The following DPYD variants were observed in gnomAD, a reference collection of about 807,000 sequenced individuals.
DPYD encodes dihydropyrimidine dehydrogenase [NADP(+)].
Under a neutral mutation model 116.2 loss-of-function variants are expected in DPYD, and 109 were observed. The observed-to-expected ratio is 0.94, with a 90% CI of 0.80 to 1.10. DPYD has a LOEUF of 1.10. Among genes scored for constraint, DPYD ranks in the 50% least tolerant of loss-of-function variants. The probability of loss-of-function intolerance (pLI) is 0.00; values close to 1 mark genes in which losing one functional copy is unlikely to be tolerated. For synonymous variants in DPYD, 440 were observed against 432.0 expected (o/e 1.02, Z -0.23); for missense variants, 1,302 against 1,254.5 (o/e 1.04, Z -0.57).
intron 13 of DPYD, among the ~76,000 whole-genome samples, chr1:97,478,970 T>C (rs763140157): frequency 2.6e-5 from 4 of 152,182 alleles, no homozygotes; most frequent in Non-Finnish European, 5.9e-5. Flanking sequence ...GCAGCTCCCT[T>C]ACCTCTCAGC....
intron 16 of DPYD, among the ~76,000 whole-genome samples, chr1:97,358,415 A>T (rs1339236303): frequency 6.6e-6 from 1 of 152,234 alleles, no homozygotes; most frequent in Non-Finnish European, 1.5e-5. Context: ...CTGCAGACTT[A>T]AACATCCCTG....
At chr1:97,221,719 G>A (rs1376321062) in intron 19 of DPYD, among the ~76,000 whole-genome samples, 2 of 151,924 alleles carry the variant, frequency 1.3e-5, no homozygotes, top group Non-Finnish European at 2.9e-5. Flanking sequence ...GAAGATGTTC[G>A]CACTACTCAG....
intron 4 of DPYD, among the ~76,000 whole-genome samples, chr1:97,730,961 T>A (rs1663570000): frequency 6.6e-6 from 1 of 152,002 alleles, no homozygotes; most frequent in South Asian, 2.1e-4. Flanking sequence ...CAAATGAGAA[T>A]CTTTAAGTTT....
intron 3 of DPYD, among the ~76,000 whole-genome samples, chr1:97,775,987 T>A (rs74107712): frequency 6.6e-6 from 1 of 152,120 alleles, no homozygotes; most frequent in Non-Finnish European, 1.5e-5. Context: ...GGTGTATATA[T>A]GTATAGGCTA....
chr1:97,737,704 A>ATG (rs1026383849), intron 4 of DPYD, among the ~76,000 whole-genome samples: 2 of 152,070 alleles, frequency 1.3e-5, no homozygotes, highest in Non-Finnish European at 2.9e-5. Flanking sequence ...CAGCTGTAAT[A>ATG]TGTGTGTGTG....
intron 2 of DPYD, among the ~76,000 whole-genome samples, chr1:97,833,292 T>A (rs1258035261): frequency 1.3e-5 from 2 of 151,766 alleles, no homozygotes; most frequent in East Asian, 3.9e-4. Flanking sequence ...GAAAAAAAAA[T>A]CTTGAAAATC....
Position 97,570,523 on chromosome 1 carries a change from G to A in DPYD, c.1339+3237C>T, listed in dbSNP as rs72732325. Among the ~76,000 whole-genome samples the A allele has an allele frequency of 3.9e-5, 6 of 152,054 alleles. No homozygotes were observed. In the Middle Eastern group the frequency reaches 0.01, roughly 259 times the overall value. On this transcript the variant is annotated intron_variant, in intron 11 of 22. Transcript: ENST00000370192. The stretch of plus-strand genomic sequence containing the variant: ...AATGTATATAAGGCCATTTGCTGAT[G>A]TTCTCAAGTGTTGAGAAGTGGAAGC...
chr1:97,597,840 C>T (rs967734145), intron 8 of DPYD, among the ~76,000 whole-genome samples: 4 of 152,142 alleles, frequency 2.6e-5, no homozygotes, highest in African/African-American at 7.2e-5. Flanking sequence ...TCTATCTACC[C>T]ATCTGTCCAT....
chr1:97,501,980 A>C (rs1181143826), intron 13 of DPYD, among the ~76,000 whole-genome samples: 1 of 152,174 alleles, frequency 6.6e-6, no homozygotes, highest in East Asian at 1.9e-4. Context: ...TTTGTAATGC[A>C]ATTTCTGACC....
intron 2 of DPYD, among the ~76,000 whole-genome samples, chr1:97,860,029 A>C (rs1044864600): frequency 1.3e-5 from 2 of 152,102 alleles, no homozygotes; most frequent in Non-Finnish European, 2.9e-5. Flanking sequence ...TCAGATTTTC[A>C]TAAGTATGGG....
intron 10 of DPYD, among the ~76,000 whole-genome samples, chr1:97,575,275 C>G (rs996562619): frequency 1.3e-5 from 2 of 152,038 alleles, no homozygotes; most frequent in Non-Finnish European, 2.9e-5. Flanking sequence ...AATATTGCCC[C>G]TAGGGAGCAA....
rs764635955 is a variant in DPYD, at chr1:97,699,442, G to T, written c.589C>A (p.Pro197Thr). 6 of 1,613,576 alleles carry T rather than the reference G, an allele frequency of 3.7e-6. No homozygotes were observed. In the Admixed American group the frequency reaches 1.0e-4, roughly 27 times the overall value. Residue 197 changes from proline (P) to threonine (T), a missense_variant, in exon 6 of 23, where the codon CCT (proline) becomes ACT (threonine). Coordinates refer to ENST00000370192, the MANE Select transcript of DPYD (RefSeq NM_000110.4). Reference sequence around the variant, plus strand: ...AAGGAAGCACAACTTATACTTGCAGGCCCAGCACCAAAAAGAGCAATCTTT... The same window carrying T: ...AAGGAAGCACAACTTATACTTGCAGTCCCAGCACCAAAAAGAGCAATCTTT... Reference protein sequence around the residue: ...SAKIALFGAGPASISCASFLA... With the variant: ...SAKIALFGAGTASISCASFLA...
chr1:97,796,612 T>C (rs1444665115), intron 3 of DPYD, among the ~76,000 whole-genome samples: 5 of 151,110 alleles, frequency 3.3e-5, no homozygotes, highest in African/African-American at 1.2e-4. Context: ...AGGGAGAGAG[T>C]CTGAATCAAC....
rs767464878 is a variant in DPYD at position 97,234,889 on chromosome 1, C to A, written c.2405G>T (p.Gly802Val). ...ATGGIDSAES[G>V]LQFLHSGASV... is the part of the protein sequence containing the mutation. Reference sequence around the variant, plus strand: ...AGCACCACTATGGAGAAACTGAAGACCACTTTCAGCAGAGTCAATTCCACC... The same window carrying A: ...AGCACCACTATGGAGAAACTGAAGAACACTTTCAGCAGAGTCAATTCCACC... The change falls in exon 19 of 23, where the codon GGT becomes GTT. Residue 802 changes from glycine to valine, a missense_variant. Gly to Val is a moderately radical substitution (Grantham distance 109). Transcript: ENST00000370192. The A allele has an allele frequency of 5.0e-6, 8 of 1,613,926 alleles. No individual in the cohort carries two copies. In the East Asian group the frequency reaches 1.6e-4, roughly 31 times the overall value.
chr1:97,152,824 T>C (rs992117081), intron 20 of DPYD, among the ~76,000 whole-genome samples: 4 of 152,086 alleles, frequency 2.6e-5, no homozygotes, highest in Non-Finnish European at 4.4e-5. Context: ...ATGGTTTTCA[T>C]GGTTGCGTTT....
At chr1:97,198,300 A>G (rs185941642) in intron 19 of DPYD, among the ~76,000 whole-genome samples, 4 of 152,278 alleles carry the variant, frequency 2.6e-5, no homozygotes, top group East Asian at 1.9e-4. Context: ...AATTTCTTCT[A>G]AACAAATAGG....
intron 1 of DPYD, among the ~76,000 whole-genome samples, chr1:97,893,182 C>A (rs1317103237): frequency 1.3e-5 from 2 of 150,914 alleles, no homozygotes; most frequent in African/African-American, 4.9e-5. Context: ...TTTTTAAGTA[C>A]AGGAATATAG....
At chr1:97,386,803 C>A (rs1172953853) in intron 14 of DPYD, among the ~76,000 whole-genome samples, 3 of 151,914 alleles carry the variant, frequency 2.0e-5, no homozygotes, top group Non-Finnish European at 2.9e-5. Flanking sequence ...AATAATTTTA[C>A]TTTTTATTAA....
intron 2 of DPYD, among the ~76,000 whole-genome samples, chr1:97,860,350 C>T (rs538954505): frequency 9.2e-5 from 14 of 152,018 alleles, no homozygotes; most frequent in Admixed American, 4.6e-4. Flanking sequence ...TTACTTACTA[C>T]GGGAAAACAA....
Sources: allele counts gnomAD v4.1 joint callset (sites outside exome capture counted in the v4.1 genomes callset), GRCh38; gene constraint gnomAD v4.1.1; transcripts MANE v1.5; gene names NCBI Gene and HGNC (gene_info 2026-07-23, HGNC 2026-07-21).